The following TRABD2B variants were observed in gnomAD, a reference collection of about 807,000 sequenced individuals.
The protein encoded by TRABD2B is metalloprotease TIKI2.
Under a neutral mutation model 40.1 loss-of-function variants are expected in TRABD2B, and 14 were observed. The ratio of observed to expected loss-of-function variants is 0.35; its 90% confidence interval spans 0.23 to 0.55. The LOEUF (loss-of-function observed/expected upper bound fraction) is 0.55. Among genes scored for constraint, TRABD2B ranks in the 20% least tolerant of loss-of-function variants. The probability of loss-of-function intolerance (pLI) is 0.90; values close to 1 mark genes in which losing one functional copy is unlikely to be tolerated. For synonymous variants in TRABD2B, 263 were observed against 277.0 expected, an observed-to-expected ratio of 0.95 and a Z score of 0.50; for missense variants, 541 against 648.6, an observed-to-expected ratio of 0.83 and a Z score of 1.80.
intron 2 of TRABD2B, among the ~76,000 whole-genome samples, chr1:47,872,765 C>A (rs529438225): frequency 1.3e-5 from 2 of 152,166 alleles, no homozygotes; most frequent in East Asian, 3.9e-4. Context: ...CTTGAGAAGA[C>A]TGGGTTGGTG....
At position 47,765,901 on chromosome 1, in the gene TRABD2B, G is replaced by T. The variant is rs1434336608; in HGVS notation, c.*1C>A. The T allele has an allele frequency of 4.3e-6, 3 of 702,982 alleles. No individual in the cohort carries two copies. The highest frequency in any genetic ancestry group is 5.2e-6 in the Non-Finnish European group (2 of 384,972). 43.5% of individuals were successfully genotyped at this position (702,982 alleles called of 1,614,324 possible). A position where few individuals can be genotyped will look rare whatever the true frequency, so the allele number is the denominator to read the frequency against. ...GGCTTCTCCACTTGGGGTGGCCGAG[G>T]TCAGGAGGGCCCAAGGCTATGCAGC... On this transcript the variant is annotated 3_prime_UTR_variant, in exon 7 of 7. Transcript: ENST00000606738.
intron 2 of TRABD2B, among the ~76,000 whole-genome samples, chr1:47,821,089 A>G (rs1190352438): frequency 1.3e-5 from 2 of 152,146 alleles, no homozygotes; most frequent in African/African-American, 4.8e-5. Context: ...TCCCTGCAAC[A>G]TGAGCACAGG....
At chr1:47,982,641 A>G (rs956597775) in intron 2 of TRABD2B, among the ~76,000 whole-genome samples, 14 of 152,236 alleles carry the variant, frequency 9.2e-5, no homozygotes, top group Non-Finnish European at 1.8e-4. Context: ...TTACTGTGAT[A>G]AACCAGAGGC....
intron 2 of TRABD2B, among the ~76,000 whole-genome samples, chr1:47,952,733 C>T (rs1645363363): frequency 6.6e-6 from 1 of 152,184 alleles, no homozygotes; most frequent in South Asian, 2.1e-4. Flanking sequence ...CCCAGGGCTC[C>T]TGTGACCCAG....
chr1:47,811,609 G>A (rs1644965926), intron 2 of TRABD2B, among the ~76,000 whole-genome samples: 1 of 152,236 alleles, frequency 6.6e-6, no homozygotes, highest in Admixed American at 6.5e-5. Flanking sequence ...GGGTAGGGAG[G>A]CTGATGGTTG....
chr1:47,834,029 C>T (rs1311848803), intron 2 of TRABD2B, among the ~76,000 whole-genome samples: 1 of 152,140 alleles, frequency 6.6e-6, no homozygotes, highest in Non-Finnish European at 1.5e-5. Flanking sequence ...ACCTGCAATC[C>T]CAGTGAAAAC....
rs1279909098 is a variant in TRABD2B at position 47,764,185 on chromosome 1, A to C, written c.*1717T>G. The C allele has an allele frequency of 6.6e-6, 1 of 152,268 alleles. No homozygotes were observed. Among genetic ancestry groups the C allele is most frequent in the Non-Finnish European group, 1.5e-5 (1 of 68,060 alleles). The allele number at this position is 152,268 out of a possible 1,614,324, so 9.4% of individuals were successfully genotyped here. ...TAGCTGCCATCAAGCCTGCCAGGGA[A>C]ACCCACGAAGCTATAAAGTTGGGGT... On this transcript the variant is annotated 3_prime_UTR_variant, in exon 7 of 7. Transcript: ENST00000606738.
intron 2 of TRABD2B, among the ~76,000 whole-genome samples, chr1:47,828,200 T>G (rs1645201876): frequency 6.6e-6 from 1 of 152,118 alleles, no homozygotes. Context: ...GGCTCCTGGG[T>G]TCTAGCTCTC....
chr1:47,858,104 C>T (rs548972079), intron 2 of TRABD2B, among the ~76,000 whole-genome samples: 16 of 151,974 alleles, frequency 1.1e-4, no homozygotes, highest in East Asian at 3.9e-4. Context: ...ATCATACGTA[C>T]GCATTGGAAG....
chr1:47,936,041 A>T (rs1645102441), intron 2 of TRABD2B, among the ~76,000 whole-genome samples: 1 of 152,228 alleles, frequency 6.6e-6, no homozygotes, highest in South Asian at 2.1e-4. Flanking sequence ...AAACAGAAGA[A>T]CATATGGGAA....
At chr1:47,843,768 C>T (rs1017148546) in intron 2 of TRABD2B, among the ~76,000 whole-genome samples, 3 of 152,132 alleles carry the variant, frequency 2.0e-5, no homozygotes, top group Non-Finnish European at 4.4e-5. Flanking sequence ...AAGAAGTTGC[C>T]AACTCAGTCA....
chr1:47,996,312 G>C lies in TRABD2B; in HGVS notation c.102+376C>G, dbSNP rs1646090718. Among the ~76,000 whole-genome samples, 1 of 152,104 alleles carries C rather than the reference G, an allele frequency of 6.6e-6. No individual in the cohort carries two copies. The highest frequency in any genetic ancestry group is 2.4e-5 in the African/African-American group (1 of 41,440). The stretch of plus-strand genomic sequence containing the variant: ...GGGTTCGATGGAAGTCAAGAGAAGG[G>C]CAAGGAACGGTAGAAAAACACAGTC... On this transcript the variant is annotated intron_variant, in intron 1 of 6. Transcript: ENST00000606738. The surrounding 1 kb of genome is among the most constrained non-coding windows in gnomAD (Gnocchi z 4.6).
rs371738161 is a variant in TRABD2B at position 47,894,756 on chromosome 1, G to A, written c.667-93137C>T. Among the ~76,000 whole-genome samples, 145 of 152,272 alleles carry A rather than the reference G, an allele frequency of 9.5e-4. 1 individual carries two copies. The highest frequency in any genetic ancestry group is 3.4e-3 in the African/African-American group (141 of 41,534). ...GCAGAATGAACAAGCCAAGAGTGAA[G>A]AATAGGGACAGGGAAGTGAACATGA... On this transcript the variant is annotated intron_variant, in intron 2 of 6. Transcript: ENST00000606738.
At chr1:47,805,219 G>A (rs913823826) in intron 2 of TRABD2B, among the ~76,000 whole-genome samples, 5 of 151,600 alleles carry the variant, frequency 3.3e-5, no homozygotes, top group East Asian at 1.9e-4. Context: ...ATGTCCACAG[G>A]CACAGCCCAC....
intron 4 of TRABD2B, among the ~76,000 whole-genome samples, chr1:47,786,355 G>A (rs1644595339): frequency 1.3e-5 from 2 of 152,236 alleles, no homozygotes; most frequent in South Asian, 4.1e-4. Context: ...CACTGATGGA[G>A]CAGCCCTGGG....
At chr1:47,796,110 C>T (rs1473776917) in intron 3 of TRABD2B, among the ~76,000 whole-genome samples, 1 of 152,212 alleles carries the variant, frequency 6.6e-6, no homozygotes, top group Non-Finnish European at 1.5e-5. Flanking sequence ...TTCTTCTATT[C>T]CCAACATTTT....
At chr1:47,838,376 G>A (rs892885464) in intron 2 of TRABD2B, among the ~76,000 whole-genome samples, 6 of 152,202 alleles carry the variant, frequency 3.9e-5, no homozygotes, top group African/African-American at 1.4e-4. Context: ...CCAAGGAGGT[G>A]GTGAGCATCC....
intron 2 of TRABD2B, among the ~76,000 whole-genome samples, chr1:47,959,600 T>C (rs1352952424): frequency 6.6e-6 from 1 of 152,156 alleles, no homozygotes; most frequent in Non-Finnish European, 1.5e-5. Flanking sequence ...GCAAATAAAC[T>C]AGAAAATCTA....
At chr1:47,887,564 AG>A (rs1644386971) in intron 2 of TRABD2B, among the ~76,000 whole-genome samples, 1 of 137,630 alleles carries the variant, frequency 7.3e-6, no homozygotes. Flanking sequence ...AGGATGTGAA[AG>A]TCCTGGGGTG....
Sources: gnomAD v4.1 joint callset for allele counts (sites outside exome capture counted in the v4.1 genomes callset) on GRCh38, gnomAD v4.1.1 for gene constraint, Gnocchi (gnomAD v3.1) non-coding constraint, MANE v1.5 for transcripts, NCBI Gene and HGNC (gene_info 2026-07-23, HGNC 2026-07-21) for gene names.